The following THSD4 variants were observed in gnomAD, a reference collection of about 807,000 sequenced individuals.
The protein encoded by THSD4 is thrombospondin type-1 domain-containing protein 4.
THSD4 carries 69 observed loss-of-function variants against 119.0 expected under a neutral mutation model. The ratio of observed to expected loss-of-function variants is 0.58; its 90% CI spans 0.48 to 0.71. THSD4 has a LOEUF of 0.71. Among genes scored for constraint, THSD4 ranks in the 30% least tolerant of loss-of-function variants. The pLI is 0.00. For synonymous variants in THSD4, 524 were observed against 540.4 expected, an observed-to-expected ratio of 0.97 and a Z score of 0.42; for missense variants, 1,393 against 1,391.1, an observed-to-expected ratio of 1.00 and a Z score of -0.02.
intron 6 of THSD4, among the ~76,000 whole-genome samples, chr15:71,282,594 A>AGT (rs2044666431): frequency 6.6e-6 from 1 of 152,114 alleles, no homozygotes; most frequent in African/African-American, 2.4e-5. Context: ...GCCAACACCC[A>AGT]CAGTTAACCC....
chr15:71,411,544 T>C lies in THSD4; in HGVS notation c.1016-143T>C, dbSNP rs1315885610. The C allele has an allele frequency of 7.3e-6, 6 of 821,156 alleles. No homozygotes were observed. The Middle Eastern group carries it at 1.5e-3, about 205-fold the overall frequency. 50.9% of individuals were successfully genotyped at this position (821,156 alleles called of 1,614,324 possible). On this transcript the variant is annotated intron_variant, in intron 6 of 17. Coordinates refer to ENST00000261862, the MANE Select transcript of THSD4 (RefSeq NM_024817.3). ...GAATATACGAAGACTTATTGAACTG[T>C]ATAGTTGGTTAAAATGCTTAATTTT...
At chr15:71,448,860 A>T (rs2047225955) in intron 7 of THSD4, among the ~76,000 whole-genome samples, 1 of 152,248 alleles carries the variant, frequency 6.6e-6, no homozygotes, top group African/African-American at 2.4e-5. Context: ...CAAATTCTTC[A>T]GTCAGGGTGG....
At chr15:71,305,174 G>A (rs1201526763) in intron 6 of THSD4, among the ~76,000 whole-genome samples, 2 of 152,150 alleles carry the variant, frequency 1.3e-5, no homozygotes, top group African/African-American at 4.8e-5. Flanking sequence ...TTGGCTAATC[G>A]TATACCAACA....
intron 8 of THSD4, among the ~76,000 whole-genome samples, chr15:71,676,872 TTCTC>T (rs2051662487): frequency 6.6e-6 from 1 of 152,248 alleles, no homozygotes; most frequent in African/African-American, 2.4e-5. Flanking sequence ...CCTGGGCTGT[TTCTC>T]TCTTTTGGTT....
intron 6 of THSD4, among the ~76,000 whole-genome samples, chr15:71,257,672 G>A (rs1310721618): frequency 6.6e-6 from 1 of 152,188 alleles, no homozygotes; most frequent in Non-Finnish European, 1.5e-5. Context: ...GTGCAAGGTG[G>A]TTCTATACTT....
chr15:71,506,644 T>G (rs1431137091), intron 7 of THSD4, among the ~76,000 whole-genome samples: 1 of 152,232 alleles, frequency 6.6e-6, no homozygotes. Flanking sequence ...CGTTAAACTT[T>G]CAACTTGCGT....
At chr15:71,505,143 C>T (rs1398356821) in intron 7 of THSD4, among the ~76,000 whole-genome samples, 1 of 152,212 alleles carries the variant, frequency 6.6e-6, no homozygotes, top group Non-Finnish European at 1.5e-5. Context: ...GAATCTTGAG[C>T]ACAGTCCTTG....
chr15:71,666,357 G>C (rs893483387), intron 8 of THSD4, among the ~76,000 whole-genome samples: 12 of 152,014 alleles, frequency 7.9e-5, no homozygotes, highest in Non-Finnish European at 1.0e-4. Context: ...TACAAGTGCA[G>C]GTTTGTTACA....
At chr15:71,562,733 G>T (rs2049149270) in intron 7 of THSD4, among the ~76,000 whole-genome samples, 1 of 134,598 alleles carries the variant, frequency 7.4e-6, no homozygotes, top group South Asian at 2.4e-4. Flanking sequence ...ACGGAGTTTG[G>T]CTCTTGTTGC....
intron 2 of THSD4, among the ~76,000 whole-genome samples, chr15:71,150,387 A>C (rs1291293940): frequency 1.3e-5 from 2 of 152,224 alleles, no homozygotes; most frequent in African/African-American, 4.8e-5. Flanking sequence ...TGTGCTGAGC[A>C]GGGGTGGGAA....
intron 6 of THSD4, among the ~76,000 whole-genome samples, chr15:71,318,047 C>T (rs1170910670): frequency 6.6e-6 from 1 of 152,072 alleles, no homozygotes; most frequent in Non-Finnish European, 1.5e-5. Flanking sequence ...TTGCCCAACA[C>T]CCACCTACCA....
intron 8 of THSD4, among the ~76,000 whole-genome samples, chr15:71,727,320 A>T (rs554092843): frequency 3.9e-5 from 6 of 152,136 alleles, no homozygotes; most frequent in African/African-American, 1.4e-4. Context: ...AATGAAGCTG[A>T]CCAGGTACAT....
intron 17 of THSD4, among the ~76,000 whole-genome samples, chr15:71,775,988 T>C (rs912626740): frequency 6.6e-6 from 1 of 152,172 alleles, no homozygotes; most frequent in Non-Finnish European, 1.5e-5. Context: ...CATGAGACAA[T>C]TGTTTATCCA....
chr15:71,473,522 C>T (rs1192084707), intron 7 of THSD4, among the ~76,000 whole-genome samples: 1 of 152,260 alleles, frequency 6.6e-6, no homozygotes, highest in South Asian at 2.1e-4. Flanking sequence ...TGGTAAATGA[C>T]TGTTCACCAT....
chr15:71,677,964 G>A (rs1206447637), intron 8 of THSD4, among the ~76,000 whole-genome samples: 1 of 152,200 alleles, frequency 6.6e-6, no homozygotes, highest in Non-Finnish European at 1.5e-5. Context: ...ATCCTTGCAT[G>A]AGGAATAACA....
At chr15:71,186,686 A>G (rs2043607793) in intron 3 of THSD4, 1 of 152,238 alleles carries the variant, frequency 6.6e-6, no homozygotes, top group Non-Finnish European at 1.5e-5. Flanking sequence ...GCCTGAAAGC[A>G]TGTCTGGTTC....
chr15:71,563,428 A>C (rs1449488945), intron 7 of THSD4, among the ~76,000 whole-genome samples: 2 of 152,232 alleles, frequency 1.3e-5, no homozygotes, highest in East Asian at 3.8e-4. Context: ...CATTGAAAAC[A>C]TCTAAGAACT....
rs148765844 is a variant in THSD4 at position 71,603,745 on chromosome 15, AGAATTT to A, written c.1153-56776_1153-56771del. On this transcript the variant is annotated intron_variant, in intron 7 of 17. Transcript: ENST00000261862. ...TTGAAATGCCTCTCCCTCTGGTGGG[AGAATTT>A]GAATTTGACGCAGTGGGCATGGGCC... 7.1e-3 allele frequency among the ~76,000 whole-genome samples: 1,082 copies of A among 152,222 alleles called. 9 individuals are homozygous for A. The highest frequency in any genetic ancestry group is 0.024 in the African/African-American group (999 of 41,526).
chr15:71,390,260 T>G (rs2046359716), intron 6 of THSD4, among the ~76,000 whole-genome samples: 1 of 152,118 alleles, frequency 6.6e-6, no homozygotes, highest in African/African-American at 2.4e-5. Flanking sequence ...TTAAGAGAGC[T>G]CATATTACAC....
Sources: gnomAD v4.1 joint callset for allele counts (sites outside exome capture counted in the v4.1 genomes callset) on GRCh38, gnomAD v4.1.1 for gene constraint, MANE v1.5 for transcripts, NCBI Gene and HGNC (gene_info 2026-07-23, HGNC 2026-07-21) for gene names.